DCAF6: variants seen among roughly 807,000 people sequenced by gnomAD.
DCAF6 encodes the protein DDB1- and CUL4-associated factor 6.
Under a neutral mutation model 125.1 loss-of-function variants are expected in DCAF6, and 54 were observed. That is an observed-to-expected ratio of 0.43 (90% CI 0.35 to 0.54). DCAF6 has a LOEUF of 0.54. Among genes scored for constraint, DCAF6 ranks in the 20% least tolerant of loss-of-function variants. The pLI is 0.01. For synonymous variants in DCAF6, 371 were observed against 390.4 expected (o/e 0.95, Z 0.58); for missense variants, 934 against 1,161.7 (o/e 0.80, Z 2.85).
At chr1:168,037,012 C>G (rs1476651055) in intron 12 of DCAF6, among the ~76,000 whole-genome samples, 1 of 151,774 alleles carries the variant, frequency 6.6e-6, no homozygotes, top group Non-Finnish European at 1.5e-5. Context: ...TTGTGGAATA[C>G]TTTTCTACTG....
chr1:167,912,271 C>T, the DCAF6 span, among the ~76,000 whole-genome samples: 1 of 152,170 alleles, frequency 6.6e-6, no homozygotes, highest in African/African-American at 2.4e-5. Context: ...CAGAAAATTT[C>T]TTGTAAAGCC....
chr1:168,053,395 CT>C (rs1690203419), intron 17 of DCAF6, among the ~76,000 whole-genome samples: 1 of 152,144 alleles, frequency 6.6e-6, no homozygotes, highest in African/African-American at 2.4e-5. Flanking sequence ...TTTTTGCTTT[CT>C]TTCTCTGCTT....
At chr1:167,896,502 G>T in the DCAF6 span, 1 of 1,013,798 alleles carries the variant, frequency 9.9e-7, no homozygotes, top group Non-Finnish European at 1.6e-6. Flanking sequence ...GTGTTGAGGA[G>T]CCCACCCACC....
the DCAF6 span, among the ~76,000 whole-genome samples, chr1:167,874,216 A>G: frequency 1.3e-5 from 2 of 152,168 alleles, no homozygotes; most frequent in Admixed American, 1.3e-4. Context: ...CTGTAATCCC[A>G]GCTACTCAGG....
At chr1:168,009,772 T>A (rs1270497836) in intron 10 of DCAF6, among the ~76,000 whole-genome samples, 1 of 151,386 alleles carries the variant, frequency 6.6e-6, no homozygotes, top group Non-Finnish European at 1.5e-5. Context: ...TCCTTTTTCT[T>A]CTTGCTGAAA....
rs147301417 is a variant in DCAF6, at chr1:167,959,068, A to G, written c.159+7207A>G. On this transcript the variant is annotated intron_variant, in intron 2 of 21. Coordinates refer to ENST00000367840, the MANE Select transcript of DCAF6 (RefSeq NM_001198956.2). ...CCCACCTTCTGAACTCCTGATGACCACTGATCTTTTTATAGTCTCCATAGT... is the reference window on the plus strand; with the variant it reads ...CCCACCTTCTGAACTCCTGATGACCGCTGATCTTTTTATAGTCTCCATAGT... 2.0e-3 allele frequency among the ~76,000 whole-genome samples: 300 copies of G among 152,280 alleles called. 1 individual carries two copies. Among genetic ancestry groups the G allele is most frequent in the African/African-American group, 7.0e-3 (289 of 41,556 alleles).
the DCAF6 span, chr1:167,878,734 C>T: frequency 4.1e-6 from 5 of 1,216,100 alleles, no homozygotes; most frequent in South Asian, 3.9e-5. Flanking sequence ...TTACCCTTTA[C>T]TCCCTTTGCT....
At chr1:167,911,254 G>A in the DCAF6 span, among the ~76,000 whole-genome samples, 8 of 152,154 alleles carry the variant, frequency 5.3e-5, no homozygotes, top group East Asian at 3.8e-4. Context: ...TTTCCTCCCC[G>A]TCTAATTAGG....
rs758290359 is a variant in DCAF6, at chr1:167,936,911, C to G, written c.-1C>G. Reference sequence around the variant, plus strand: ...CCCTCCCACCCGGCTCAGGCAGAGCCATGTCTCGGGGTGGCTCCTACCCAC... The same window carrying G: ...CCCTCCCACCCGGCTCAGGCAGAGCGATGTCTCGGGGTGGCTCCTACCCAC... On this transcript the variant is annotated 5_prime_UTR_variant, in exon 1 of 22. Coordinates refer to ENST00000367840, the MANE Select transcript of DCAF6 (RefSeq NM_001198956.2). The G allele has an allele frequency of 2.6e-5, 41 of 1,600,396 alleles. No homozygotes were observed. The highest frequency in any genetic ancestry group is 8.5e-6 in the Non-Finnish European group (10 of 1,174,978).
chr1:168,072,321 A>AAAAAAAAAAAAAAAAAAAAAAC (rs1693200024), intron 21 of DCAF6, among the ~76,000 whole-genome samples: 1 of 146,286 alleles, frequency 6.8e-6, no homozygotes, highest in African/African-American at 2.6e-5. Context: ...AAAAAAAAAA[A>AAAAAAAAAAAAAAAAAAAAAAC]AAAAGAAAAG....
chr1:168,006,222 A>C (rs1437727995), intron 10 of DCAF6, among the ~76,000 whole-genome samples: 1 of 152,174 alleles, frequency 6.6e-6, no homozygotes, highest in African/African-American at 2.4e-5. Flanking sequence ...TCAAATTGCT[A>C]AATTCCTTTC....
At chr1:167,871,825 T>C in the DCAF6 span, among the ~76,000 whole-genome samples, 1 of 152,244 alleles carries the variant, frequency 6.6e-6, no homozygotes. Context: ...GGGTGAAATA[T>C]TCCCTTTCTG....
chr1:167,908,639 AC>A, the DCAF6 span, among the ~76,000 whole-genome samples: 1 of 152,240 alleles, frequency 6.6e-6, no homozygotes, highest in Non-Finnish European at 1.5e-5. Flanking sequence ...ATATATTAAA[AC>A]ATCACATTGT....
At chr1:167,867,610 TCA>T in the DCAF6 span, among the ~76,000 whole-genome samples, 5 of 152,176 alleles carry the variant, frequency 3.3e-5, no homozygotes, top group Admixed American at 3.3e-4. Flanking sequence ...CCTCCAATGA[TCA>T]CAGTTTTTTA....
Position 167,991,213 on chromosome 1 carries a change from A to G in DCAF6, c.562A>G (p.Ile188Val). The change falls in exon 6 of 22, where the codon ATT becomes GTT. Residue 188 changes from isoleucine to valine, a missense_variant. Transcript: ENST00000367840. The stretch of plus-strand genomic sequence containing the variant: ...ATGTTATGTTTTGTAGGATATTTTA[A>G]TTAACTGTCGACGTGCTGCCACGTC... ...TKEDCKDDIL[I>V]NCRRAATSVA... 1 of 1,610,830 alleles carries G rather than the reference A, an allele frequency of 6.2e-7. No individual in the cohort carries two copies. The highest frequency in any genetic ancestry group is 8.5e-7 in the Non-Finnish European group (1 of 1,179,232).
intron 17 of DCAF6, chr1:168,056,081 A>G (rs1451808745): frequency 1.3e-6 from 2 of 1,596,178 alleles, no homozygotes; most frequent in Non-Finnish European, 1.7e-6. Context: ...CTGATAAAGG[A>G]GAATAGAGTT....
chr1:167,929,908 T>C, the DCAF6 span, among the ~76,000 whole-genome samples: 1 of 152,164 alleles, frequency 6.6e-6, no homozygotes, highest in Non-Finnish European at 1.5e-5. Context: ...ATGCCACTCC[T>C]TTATGGTTTG....
At chr1:167,958,320 G>T (rs1306780006) in intron 2 of DCAF6, among the ~76,000 whole-genome samples, 1 of 150,266 alleles carries the variant, frequency 6.7e-6, no homozygotes, top group African/African-American at 2.4e-5. Flanking sequence ...ATGGTATAAA[G>T]TAGGGGTCCA....
At chr1:167,902,148 A>C in the DCAF6 span, 1 of 1,206,538 alleles carries the variant, frequency 8.3e-7, no homozygotes, top group Non-Finnish European at 1.2e-6. Flanking sequence ...ACTAGGTCAA[A>C]AGAACAGTGA....
Sources: allele counts gnomAD v4.1 joint callset (sites outside exome capture counted in the v4.1 genomes callset), GRCh38; gene constraint gnomAD v4.1.1; transcripts MANE v1.5; gene names NCBI Gene and HGNC (gene_info 2026-07-23, HGNC 2026-07-21).